Variants in HDAC4 observed in about 807,000 individuals in gnomAD.
The protein encoded by HDAC4 is histone deacetylase A.
In HDAC4, 16 loss-of-function variants were observed where a neutral mutation model predicts 135.1. The observed-to-expected ratio is 0.12, with a 90% CI of 0.08 to 0.18. The LOEUF is 0.18. HDAC4 is among the 10% of genes least tolerant of loss of function. The pLI is 1.00. For synonymous variants in HDAC4, 685 were observed against 653.4 expected (o/e 1.05, Z -0.74); for missense variants, 1,143 against 1,511.8 (o/e 0.76, Z 4.05).
intron 24 of HDAC4, among the ~76,000 whole-genome samples, chr2:239,056,034 T>C (rs567360772): frequency 6.6e-6 from 1 of 152,210 alleles, no homozygotes; most frequent in Non-Finnish European, 1.5e-5. Flanking sequence ...AAAGACAAAG[T>C]GACCCTGAGA....
chr2:239,353,630 T>A (rs1374592293), intron 1 of HDAC4, among the ~76,000 whole-genome samples: 1 of 151,544 alleles, frequency 6.6e-6, no homozygotes, highest in African/African-American at 2.5e-5. Flanking sequence ...CTCTGGGGGA[T>A]AATATCATCC....
chr2:239,124,807 AC>A (rs2040036494), intron 12 of HDAC4, among the ~76,000 whole-genome samples: 4 of 78,006 alleles, frequency 5.1e-5, no homozygotes, highest in East Asian at 5.1e-4. Context: ...ATGACATTCC[AC>A]GTTATGTGAC....
chr2:239,317,554 T>C (rs542140185), intron 2 of HDAC4, among the ~76,000 whole-genome samples: 57 of 152,280 alleles, frequency 3.7e-4, no homozygotes, highest in African/African-American at 1.3e-3. Context: ...GGGGCTCTCA[T>C]TGGCCAAACT....
chr2:239,358,164 ACCT>A (rs1693632839), intron 1 of HDAC4, among the ~76,000 whole-genome samples: 1 of 151,894 alleles, frequency 6.6e-6, no homozygotes, highest in South Asian at 2.1e-4. Context: ...CATCCAAATC[ACCT>A]CCTTTTTGCT....
chr2:239,228,540 G>C (rs1201479540), intron 3 of HDAC4, among the ~76,000 whole-genome samples: 1 of 152,168 alleles, frequency 6.6e-6, no homozygotes, highest in African/African-American at 2.4e-5. Context: ...ACAGATCTGA[G>C]GGGAAGGAGA....
chr2:239,090,222 C>T (rs2036379700), intron 17 of HDAC4, 106 bp from the exon 18 acceptor site: 1 of 792,920 alleles, frequency 1.3e-6, no homozygotes, highest in Non-Finnish European at 2.2e-6. Flanking sequence ...CTTCTGAAAC[C>T]CCAGGGCCTA....
At chr2:239,334,196 T>A (rs1691768001) in intron 2 of HDAC4, among the ~76,000 whole-genome samples, 1 of 152,086 alleles carries the variant, frequency 6.6e-6, no homozygotes. Context: ...CAAAACAGCA[T>A]AACCTAGAAG....
At position 239,139,113 on chromosome 2, in the gene HDAC4, G is replaced by A. The variant is rs747137177; in HGVS notation, c.978+571C>T. 5.9e-5 allele frequency among the ~76,000 whole-genome samples: 9 copies of A among 152,220 alleles called. No individual in the cohort carries two copies. Among genetic ancestry groups the A allele is most frequent in the Non-Finnish European group, 1.2e-4 (8 of 68,038 alleles). On this transcript the variant is annotated intron_variant, in intron 9 of 26. Transcript: ENST00000543185. This position sits in a 1 kb window ranked among gnomAD's most constrained non-coding sequence, Gnocchi z 5.3. ...CTGCGGTCTGAGATGCCTGGTTCCC[G>A]TGATGCCTGGAAAAGTTCCCCGCTC...
intron 2 of HDAC4, among the ~76,000 whole-genome samples, chr2:239,264,110 G>A (rs13408972): frequency 0.16 from 24,795 of 152,232 alleles, 2,098 homozygotes; most frequent in Middle Eastern, 0.2. Context: ...CCCAGGCCAG[G>A]CGGGGAGCTC....
chr2:239,108,628 C>A (rs1227674136), intron 14 of HDAC4, among the ~76,000 whole-genome samples: 2 of 152,166 alleles, frequency 1.3e-5, no homozygotes, highest in South Asian at 2.1e-4. Flanking sequence ...TGGTCCTGGA[C>A]CAATAGTAAC....
At position 239,052,657 on chromosome 2, in the gene HDAC4, T is replaced by G; in HGVS notation, c.*440A>C. The G allele has an allele frequency of 4.4e-6, 1 of 229,496 alleles. No individual in the cohort carries two copies. Among genetic ancestry groups the G allele is most frequent in the Non-Finnish European group, 8.8e-6 (1 of 113,592 alleles). 14.2% of individuals were successfully genotyped at this position (229,496 alleles called of 1,614,324 possible). The stretch of plus-strand genomic sequence containing the variant: ...AGTCGAGTGGTTTACACAGAGACTG[T>G]GGAGTTGTGGGTAATAAACTTTAAG... On this transcript the variant is annotated 3_prime_UTR_variant, in exon 27 of 27. Transcript: ENST00000543185.
intron 4 of HDAC4, among the ~76,000 whole-genome samples, chr2:239,179,070 C>T (rs1310577611): frequency 6.6e-6 from 1 of 151,876 alleles, no homozygotes; most frequent in Admixed American, 6.6e-5. Flanking sequence ...GCGTGCGAGG[C>T]AGCCACCGGA....
chr2:239,096,378 C>CCT (rs2037050697), intron 16 of HDAC4, among the ~76,000 whole-genome samples: 1 of 132,040 alleles, frequency 7.6e-6, no homozygotes, highest in Non-Finnish European at 1.6e-5. Flanking sequence ...CAACCCCCCC[C>CCT]GACACCTGCA....
At chr2:239,087,996 GA>G (rs2036152656) in intron 18 of HDAC4, among the ~76,000 whole-genome samples, 1 of 152,206 alleles carries the variant, frequency 6.6e-6, no homozygotes, top group African/African-American at 2.4e-5. Context: ...GTGGCCACTG[GA>G]GGAAGATGAA....
At chr2:239,246,218 G>A (rs561361542) in intron 2 of HDAC4, among the ~76,000 whole-genome samples, 3 of 152,302 alleles carry the variant, frequency 2.0e-5, no homozygotes, top group South Asian at 4.1e-4. Context: ...GGAGGCAAAC[G>A]CGGGCAGGAG....
chr2:239,139,650 G>A lies in HDAC4; in HGVS notation c.978+34C>T, dbSNP rs757758979. On this transcript the variant is annotated intron_variant, in intron 9 of 26. Coordinates refer to ENST00000543185, the MANE Select transcript of HDAC4 (RefSeq NM_001378414.1). The surrounding 1 kb of genome is among the most constrained non-coding windows in gnomAD (Gnocchi z 5.3). ...CTCATCCGTCCCGAGTCCGACTCTA[G>A]CCGTAGGACACAGGACAAACGCTTC... 1 of 1,561,002 alleles carries A rather than the reference G, an allele frequency of 6.4e-7. No homozygotes were observed. The highest frequency in any genetic ancestry group is 1.1e-5 in the South Asian group (1 of 90,052).
intron 2 of HDAC4, among the ~76,000 whole-genome samples, chr2:239,261,836 C>G (rs1003072865): frequency 6.6e-6 from 1 of 152,182 alleles, no homozygotes; most frequent in Non-Finnish European, 1.5e-5. Context: ...TGGCAGGAGC[C>G]CGGCAGGGAC....
At chr2:239,211,323 T>G (rs1271886400) in intron 3 of HDAC4, among the ~76,000 whole-genome samples, 1 of 152,226 alleles carries the variant, frequency 6.6e-6, no homozygotes, top group Admixed American at 6.5e-5. Flanking sequence ...GCTTCCAGAA[T>G]GCTGGAAAGA....
chr2:239,186,954 A>G (rs1401383677), intron 4 of HDAC4: 1 of 152,450 alleles, frequency 6.6e-6, no homozygotes, highest in Admixed American at 6.5e-5. Flanking sequence ...ACCAGCACGG[A>G]ATGAGACATC....
Sources: gnomAD v4.1 joint callset for allele counts (sites outside exome capture counted in the v4.1 genomes callset) on GRCh38, gnomAD v4.1.1 for gene constraint, Gnocchi (gnomAD v3.1) non-coding constraint, MANE v1.5 for transcripts, NCBI Gene and HGNC (gene_info 2026-07-23, HGNC 2026-07-21) for gene names.